Variants in LINC00632 observed in about 807,000 individuals in gnomAD.
LINC00632 encodes long independently transcribed non-coding RNA 632, also known as ALDOA related specific transcript.
intron 2 of LINC00632, among the ~76,000 whole-genome samples, chrX:140,712,434 A>G (rs1367874845): frequency 2.3e-4 from 23 of 99,726 alleles, no homozygotes; most frequent in Non-Finnish European, 4.0e-4. Flanking sequence ...TTTACTCTTC[A>G]GATACTCAAA....
exon 5 of LINC00632, chrX:140,784,067 C>T (rs1569357930): frequency 1.7e-5 from 20 of 1,211,215 alleles, no homozygotes; most frequent in Non-Finnish European, 2.1e-5. Context: ...CCGTGTCTTC[C>T]AGCAAGTCCA....
chrX:140,713,035 T>C (rs1236752537), intron 2 of LINC00632, among the ~76,000 whole-genome samples: 8 of 111,384 alleles, frequency 7.2e-5, no homozygotes, highest in Admixed American at 3.8e-4. Context: ...CGCCAGTGCA[T>C]GCGCATTTGC....
At chrX:140,778,354 C>G (rs1009163754) in exon 5 of LINC00632, among the ~76,000 whole-genome samples, 6 of 111,663 alleles carry the variant, frequency 5.4e-5, no homozygotes, top group Non-Finnish European at 9.4e-5. Context: ...CGCCTGTAAT[C>G]CCAGCACTTT....
At chrX:140,789,219 ATAT>A (rs1046382655) in exon 5 of LINC00632, among the ~76,000 whole-genome samples, 2 of 109,363 alleles carry the variant, frequency 1.8e-5, no homozygotes, top group African/African-American at 6.6e-5. Context: ...TAGAATAATA[ATAT>A]TATTAACATT....
At chrX:140,769,465 T>C (rs112305417) in intron 3 of LINC00632, among the ~76,000 whole-genome samples, 3,670 of 109,858 alleles carry the variant, frequency 0.033, 177 homozygotes, top group African/African-American at 0.12. Flanking sequence ...AAATTCGGTT[T>C]TTTCTCCACC....
At position 140,771,606 on chromosome X, in the gene LINC00632, C is replaced by CAT. The variant is rs35839527; in HGVS notation, n.192-466_192-465dup. 1.6e-3 allele frequency among the ~76,000 whole-genome samples: 90 copies of CAT among 55,516 alleles called. 1 individual carries two copies. Among genetic ancestry groups the CAT allele is most frequent in the African/African-American group, 6.8e-3 (85 of 12,443 alleles). 48.2% of individuals were successfully genotyped at this position (55,516 alleles called of 115,157 possible). On this transcript the variant is annotated intron_variant and non_coding_transcript_variant, in intron 3 of 4. Coordinates refer to ENST00000648200, the Ensembl canonical transcript of LINC00632. ...TACAACCTTTGCAAGGGCAATTTGG[C>CAT]ATATATACACACACACACACACACA...
chrX:140,734,776 T>A (rs2148386491), intron 3 of LINC00632, among the ~76,000 whole-genome samples: 1 of 104,355 alleles, frequency 9.6e-6, no homozygotes, highest in Admixed American at 1.0e-4. Context: ...TTTTTTTTTT[T>A]TTTGAGACAG....
At chrX:140,775,904 T>C (rs997708836) in exon 5 of LINC00632, among the ~76,000 whole-genome samples, 2 of 110,097 alleles carry the variant, frequency 1.8e-5, no homozygotes. Context: ...GAACTATATG[T>C]GAGTTTGATA....
intron 2 of LINC00632, among the ~76,000 whole-genome samples, chrX:140,720,936 C>A (rs1930718360): frequency 9.0e-6 from 1 of 111,274 alleles, no homozygotes; most frequent in African/African-American, 3.3e-5. Flanking sequence ...AATCTCACTG[C>A]AACACACCAA....
intron 3 of LINC00632, among the ~76,000 whole-genome samples, chrX:140,769,021 A>G (rs973928610): frequency 2.7e-5 from 3 of 109,464 alleles, no homozygotes; most frequent in Non-Finnish European, 5.7e-5. Context: ...GAGGAGAGGT[A>G]CAAATGTGAT....
At chrX:140,762,800 T>C (rs1047196346) in intron 3 of LINC00632, among the ~76,000 whole-genome samples, 2 of 112,227 alleles carry the variant, frequency 1.8e-5, no homozygotes, top group African/African-American at 6.5e-5. Context: ...CAAAATATTC[T>C]TCTTTTGATA....
intron 3 of LINC00632, among the ~76,000 whole-genome samples, chrX:140,752,129 G>A (rs1239879983): frequency 9.0e-6 from 1 of 111,434 alleles, no homozygotes; most frequent in African/African-American, 3.3e-5. Flanking sequence ...CCTCAATTGG[G>A]CTGTTTAAAG....
At chrX:140,735,028 G>A (rs1423837260) in intron 3 of LINC00632, among the ~76,000 whole-genome samples, 1 of 110,984 alleles carries the variant, frequency 9.0e-6, no homozygotes, top group African/African-American at 3.3e-5. Flanking sequence ...GCCTCCCAAA[G>A]TGCTGGGATT....
In LINC00632 at chrX:140,744,825, G is replaced by A. The variant is rs183774015; in HGVS notation, n.191+10861G>A. On this transcript the variant is annotated intron_variant and non_coding_transcript_variant, in intron 3 of 4. Coordinates refer to ENST00000648200, the Ensembl canonical transcript of LINC00632. ...CCTTGTGATCCATTTTTCCACCCCC[G>A]CCCCAACCCGGCCTCCCAAAGTGTT... Among the ~76,000 whole-genome samples the A allele has an allele frequency of 7.2e-3, 790 of 109,616 alleles. 8 individuals carry two copies. The highest frequency in any genetic ancestry group is 0.024 in the African/African-American group (715 of 30,123).
At chrX:140,751,725 A>T (rs1931413763) in intron 3 of LINC00632, among the ~76,000 whole-genome samples, 1 of 111,873 alleles carries the variant, frequency 8.9e-6, no homozygotes, top group South Asian at 3.7e-4. Context: ...CAAATTTTTC[A>T]TTTAATCTTG....
intron 3 of LINC00632, among the ~76,000 whole-genome samples, chrX:140,759,344 CCTTTCTTT>C (rs1188901479): frequency 3.3e-3 from 77 of 23,033 alleles, no homozygotes; most frequent in African/African-American, 9.0e-3. Context: ...TTCCTTCCTT[CCTTTCTTT>C]CTTTCTTTCT....
chrX:140,724,604 C>T (rs1930883184), intron 2 of LINC00632, among the ~76,000 whole-genome samples: 1 of 42,582 alleles, frequency 2.3e-5, no homozygotes, highest in African/African-American at 8.8e-5. Flanking sequence ...ACATTCTGTA[C>T]ACACACACAC....
At chrX:140,721,936 C>G (rs1166663278) in intron 2 of LINC00632, among the ~76,000 whole-genome samples, 1 of 110,924 alleles carries the variant, frequency 9.0e-6, no homozygotes, top group Non-Finnish European at 1.9e-5. Flanking sequence ...CCCCACATAA[C>G]CAGAAACATC....
intron 2 of LINC00632, among the ~76,000 whole-genome samples, chrX:140,729,594 T>A (rs1055465244): frequency 1.8e-5 from 2 of 110,702 alleles, no homozygotes; most frequent in African/African-American, 6.6e-5. Flanking sequence ...TGTGAGGACA[T>A]GATCCACACT....
Sources: gnomAD v4.1 joint callset for allele counts (sites outside exome capture counted in the v4.1 genomes callset) on GRCh38, gnomAD v4.1.1 for gene constraint, MANE v1.5 for transcripts, NCBI Gene and HGNC (gene_info 2026-07-23, HGNC 2026-07-21) for gene names.